VCAN: variants seen among roughly 807,000 people sequenced by gnomAD.
The protein encoded by VCAN is versican, also known as versican core protein.
In VCAN, 44 loss-of-function variants were observed where a neutral mutation model predicts 245.5. The observed-to-expected ratio is 0.18, with a 90% confidence interval of 0.14 to 0.23. The LOEUF (loss-of-function observed/expected upper bound fraction) is 0.23. Ranked by LOEUF, VCAN falls within the 10% of genes least tolerant of loss-of-function variation. The pLI, the probability that VCAN is intolerant of heterozygous loss-of-function variation, is 1.00. For missense variants in VCAN, 3,793 were observed against 4,057.9 expected (o/e 0.93, Z 1.77); for synonymous variants, 1,413 against 1,437.0 (o/e 0.98, Z 0.38).
At chr5:83,480,136 A>G (rs984228623) in intron 1 of VCAN, among the ~76,000 whole-genome samples, 2 of 152,174 alleles carry the variant, frequency 1.3e-5, no homozygotes, top group African/African-American at 4.8e-5. Context: ...AACTTATTCA[A>G]ACATATTTAT....
chr5:83,523,085 A>T (rs1580631281), intron 7 of VCAN, among the ~76,000 whole-genome samples: 1 of 152,290 alleles, frequency 6.6e-6, no homozygotes, highest in South Asian at 2.1e-4. Context: ...GATGCCTTCT[A>T]TTCCACTCAA....
At chr5:83,495,184 T>A (rs1247155598) in intron 5 of VCAN, among the ~76,000 whole-genome samples, 3 of 152,338 alleles carry the variant, frequency 2.0e-5, no homozygotes, top group Non-Finnish European at 4.4e-5. Flanking sequence ...ATGAGGAGGC[T>A]GGACTAGATA....
chr5:83,568,679 G>A lies in VCAN; in HGVS notation c.9736-3737G>A, dbSNP rs1748173929. On this transcript the variant is annotated intron_variant, in intron 12 of 14. Transcript: ENST00000265077. ...ATTTGTTAAGATTAGATTTAAAAAG[G>A]GTTAGTTAAGAAATTTGTATTTTTT... Among the ~76,000 whole-genome samples the A allele has an allele frequency of 7.9e-5, 12 of 152,182 alleles. No individual in the cohort carries two copies. The South Asian group carries it at 2.3e-3, about 29-fold the overall frequency.
At chr5:83,564,486 G>A (rs567929572) in intron 12 of VCAN, among the ~76,000 whole-genome samples, 1 of 152,116 alleles carries the variant, frequency 6.6e-6, no homozygotes, top group South Asian at 2.1e-4. Flanking sequence ...TGAAATGAGA[G>A]GATTTTTCAA....
chr5:83,554,835 A>G, intron 11 of VCAN, 121 bp from the exon 12 acceptor site: 5 of 908,594 alleles, frequency 5.5e-6, no homozygotes, highest in South Asian at 2.8e-5. Context: ...ATGAGCAACT[A>G]AATAAAAATC....
chr5:83,572,958 TG>T (rs1748345998), intron 13 of VCAN, among the ~76,000 whole-genome samples: 1 of 151,676 alleles, frequency 6.6e-6, no homozygotes, highest in Non-Finnish European at 1.5e-5. Flanking sequence ...TGGACTACAG[TG>T]GTGTGATCTT....
At chr5:83,491,458 A>G (rs1287407684) in intron 3 of VCAN, among the ~76,000 whole-genome samples, 1 of 152,036 alleles carries the variant, frequency 6.6e-6, no homozygotes, top group South Asian at 2.1e-4. Context: ...TTCAAATTCC[A>G]TTGCTTCCTT....
intron 8 of VCAN, among the ~76,000 whole-genome samples, chr5:83,543,512 A>T (rs1408805591): frequency 6.6e-6 from 1 of 152,238 alleles, no homozygotes; most frequent in Non-Finnish European, 1.5e-5. Context: ...AATAGAAAGT[A>T]CAATTTTTAA....
Position 83,480,674 on chromosome 5 carries a change from G to A in VCAN, c.-6-2839G>A, listed in dbSNP as rs181540482. On this transcript the variant is annotated intron_variant, in intron 1 of 14. Transcript: ENST00000265077. The stretch of plus-strand genomic sequence containing the variant: ...AAAGTACTAGCTCTGCCTTCCAGAA[G>A]CCTACTGTTCTACAGAGGAGATTAG... Among the ~76,000 whole-genome samples the A allele has an allele frequency of 5.3e-5, 8 of 152,288 alleles. No homozygotes were observed. In the East Asian group the frequency reaches 1.5e-3, roughly 29 times the overall value.
rs183803800 is a variant in VCAN, at chr5:83,570,097, G to A, written c.9736-2319G>A. On this transcript the variant is annotated intron_variant, in intron 12 of 14. Coordinates refer to ENST00000265077, the MANE Select transcript of VCAN (RefSeq NM_004385.5). ...AGCCAATGTGAGTTCCTGGTTGCAG[G>A]GAGACCTACCAGTCAAGGAGTACTT... 2.5e-3 allele frequency among the ~76,000 whole-genome samples: 374 copies of A among 151,976 alleles called. 2 individuals carry two copies. The highest frequency in any genetic ancestry group is 8.5e-3 in the African/African-American group (354 of 41,472).
In VCAN at chr5:83,540,422, C is replaced by G. The variant is rs61754536; in HGVS notation, c.7419C>G (p.Ser2473Arg). 57 of 1,613,968 alleles carry G rather than the reference C, an allele frequency of 3.5e-5. No individual in the cohort carries two copies. In the East Asian group the frequency reaches 8.0e-4, roughly 23 times the overall value. ...TGGAAAAACATCCTGAGGTGCCAAG[C>G]GCTAAAGCTGTTACTGCTGATGGAT... ...GSLEKHPEVP[S>R]AKAVTADGFP... Residue 2473 changes from serine (S) to arginine (R), a missense_variant, in exon 8 of 15, where the codon AGC becomes AGG. Transcript: ENST00000265077.
rs538242902 is a variant in VCAN at position 83,484,468 on chromosome 5, C to CT, written c.70+882dup. On this transcript the variant is annotated intron_variant, in intron 2 of 14. Transcript: ENST00000265077. The stretch of plus-strand genomic sequence containing the variant: ...TGTCCAAAATCTTTCCATCTGTTTG[C>CT]TTATCAACATCTATCCATGTATTCA... Among the ~76,000 whole-genome samples, 235 of 151,738 alleles carry CT rather than the reference C, an allele frequency of 1.5e-3. 1 individual carries two copies. The highest frequency in any genetic ancestry group is 5.3e-3 in the African/African-American group (219 of 41,340).
rs752135895 is a variant in VCAN at position 83,473,657 on chromosome 5, G to T, written c.-7+1634G>T. ...GTGCGCTCCTTCGGATCTGCCCCCA[G>T]TTCAGCTCACAAGACTTGCAGAACC... On this transcript the variant is annotated intron_variant, in intron 1 of 14. Transcript: ENST00000265077. Among the ~76,000 whole-genome samples the T allele has an allele frequency of 3.6e-4, 55 of 152,324 alleles. 1 individual carries two copies. The highest frequency in any genetic ancestry group is 3.4e-3 in the Middle Eastern group (1 of 294).
intron 9 of VCAN, among the ~76,000 whole-genome samples, chr5:83,546,346 G>A (rs1747219183): frequency 1.3e-5 from 2 of 152,098 alleles, no homozygotes; most frequent in South Asian, 4.1e-4. Flanking sequence ...GAGATATCAT[G>A]AAGGTTTGCT....
At chr5:83,530,735 TGGTGAGGGTGGGATGGATGAGGGA>T (rs2112428147) in intron 7 of VCAN, among the ~76,000 whole-genome samples, 1 of 152,212 alleles carries the variant, frequency 6.6e-6, no homozygotes, top group South Asian at 2.1e-4. Flanking sequence ...GGGCCCAGGT[TGGTGAGGGTGGGATGGATGAGGGA>T]GTGGTGATGC....
chr5:83,559,632 T>A (rs1019678547), intron 12 of VCAN, among the ~76,000 whole-genome samples: 10 of 152,114 alleles, frequency 6.6e-5, no homozygotes, highest in African/African-American at 2.4e-4. Context: ...TTGCTGGGAA[T>A]GACTAAGAGC....
chr5:83,573,312 C>T (rs1748359293), intron 13 of VCAN, among the ~76,000 whole-genome samples: 2 of 151,932 alleles, frequency 1.3e-5, no homozygotes, highest in South Asian at 2.1e-4. Context: ...AATAAGAAGA[C>T]CTGGTACCAT....
chr5:83,564,574 G>A (rs1329345918), intron 12 of VCAN, among the ~76,000 whole-genome samples: 2 of 152,090 alleles, frequency 1.3e-5, no homozygotes, highest in African/African-American at 4.8e-5. Context: ...GGACCTATCT[G>A]TCCTGTGTTT....
chr5:83,473,046 T>G (rs994840240), intron 1 of VCAN, among the ~76,000 whole-genome samples: 3 of 152,148 alleles, frequency 2.0e-5, no homozygotes. Flanking sequence ...CACCCTCTCC[T>G]AGTTCTCCGC....
Sources: gnomAD v4.1 joint callset for allele counts (sites outside exome capture counted in the v4.1 genomes callset) on GRCh38, gnomAD v4.1.1 for gene constraint, MANE v1.5 for transcripts, NCBI Gene and HGNC (gene_info 2026-07-23, HGNC 2026-07-21) for gene names.